The following TTC39C variants were observed in gnomAD, a reference collection of about 807,000 sequenced individuals.
The protein encoded by TTC39C is tetratricopeptide repeat protein 39C.
TTC39C carries 33 observed loss-of-function variants against 76.3 expected under a neutral mutation model. That is an observed-to-expected ratio of 0.43 (90% CI 0.33 to 0.58). TTC39C has a LOEUF of 0.58. Among genes scored for constraint, TTC39C ranks in the 20% least tolerant of loss-of-function variants. The probability of loss-of-function intolerance (pLI) is 0.04; values close to 1 mark genes in which losing one functional copy is unlikely to be tolerated. For synonymous variants in TTC39C, 254 were observed against 260.6 expected, an observed-to-expected ratio of 0.97 and a Z score of 0.24; for missense variants, 595 against 701.4, an observed-to-expected ratio of 0.85 and a Z score of 1.71.
chr18:24,091,129 T>C lies in TTC39C; in HGVS notation c.984+8048T>C, dbSNP rs190230135. Among the ~76,000 whole-genome samples the C allele has an allele frequency of 2.0e-3, 303 of 152,348 alleles. 1 individual carries two copies. Among genetic ancestry groups the C allele is most frequent in the African/African-American group, 7.0e-3 (291 of 41,584 alleles). ...GCCTTATGATCAATTTGCTTTGACA[T>C]GGACATCAAGACACGTCAGTGGGCA... On this transcript the variant is annotated intron_variant, in intron 6 of 13. Coordinates refer to ENST00000317571, the MANE Select transcript of TTC39C (RefSeq NM_001135993.2).
chr18:24,118,211 T>TA lies in TTC39C; in HGVS notation c.1166dup (p.Tyr389Ter). The TA allele has an allele frequency of 6.2e-7, 1 of 1,613,876 alleles. No homozygotes were observed. Among genetic ancestry groups the TA allele is most frequent in the East Asian group, 2.2e-5 (1 of 44,870 alleles). The change falls in exon 8 of 14, where the codon TAT (tyrosine) becomes TAAT (stop). Residue 389 changes from tyrosine to a stop codon, truncating the protein, a stop_gained and frameshift_variant. Transcript: ENST00000317571. LOFTEE classifies it high-confidence loss of function. The part of the protein sequence containing the change: ...LKNESRWSQC[Y>*]YAYLTAVCQG... ...AAATGAGTCCAGGTGGTCCCAGTGC[T>TA]ATTATGCCTACTTGACTGCAGGTGA...
intron 10 of TTC39C, among the ~76,000 whole-genome samples, chr18:24,127,753 T>A (rs958552199): frequency 6.6e-6 from 1 of 152,158 alleles, no homozygotes; most frequent in Non-Finnish European, 1.5e-5. Context: ...TGGGCTCAAG[T>A]GATCCTCCCG....
At chr18:24,037,679 C>T (rs1043285380) in intron 1 of TTC39C, among the ~76,000 whole-genome samples, 16 of 152,172 alleles carry the variant, frequency 1.1e-4, no homozygotes, top group Admixed American at 6.5e-4. Context: ...GTTACTACAA[C>T]ACTTTGGTAT....
chr18:24,046,025 G>A (rs1159227857), intron 1 of TTC39C, among the ~76,000 whole-genome samples: 33 of 134,152 alleles, frequency 2.5e-4, no homozygotes, highest in African/African-American at 3.1e-4. Flanking sequence ...TGCAAGCTCC[G>A]CCTCCTGGGT....
intron 1 of TTC39C, chr18:23,993,137 T>C (rs992246216): frequency 3.9e-5 from 6 of 152,246 alleles, no homozygotes; most frequent in Admixed American, 6.5e-5. Context: ...TAAGTTCATC[T>C]TTGATGGTAA....
chr18:24,080,908 G>GA lies in TTC39C; in HGVS notation c.787dup (p.Ser263LysfsTer2). 6.2e-7 allele frequency: 1 copy of GA among 1,613,848 alleles called. No homozygotes were observed. Among genetic ancestry groups the GA allele is most frequent in the Non-Finnish European group, 8.5e-7 (1 of 1,179,902 alleles). The stretch of plus-strand genomic sequence containing the variant: ...GCTTTCTTCACTGATGTATGCAAGC[G>GA]AAAGTAAGGACATGAAGGCCCCTTT... On this transcript the variant is annotated frameshift_variant, in exon 5 of 14. Transcript: ENST00000317571. LOFTEE classifies it high-confidence loss of function.
chr18:24,120,428 G>A lies in TTC39C; in HGVS notation c.1186+2196G>A, dbSNP rs569684738. On this transcript the variant is annotated intron_variant, in intron 8 of 13. Transcript: ENST00000317571. ...GAGCTGCCATTTGGGCTGGCCGTGA[G>A]CTAGAGGGCATGGGCATTCAGGGAC... Among the ~76,000 whole-genome samples the A allele has an allele frequency of 2.0e-5, 3 of 152,342 alleles. No homozygotes were observed. In the East Asian group the frequency reaches 5.8e-4, roughly 29 times the overall value.
rs59092787 is a variant in TTC39C, at chr18:24,103,931, G to GTT, written c.985-10610_985-10609dup. Among the ~76,000 whole-genome samples, 73 of 138,340 alleles carry GTT rather than the reference G, an allele frequency of 5.3e-4. 4 individuals carry two copies. The South Asian group carries it at 9.6e-3, about 18-fold the overall frequency. 90.8% of individuals were successfully genotyped at this position (138,340 alleles called of 152,430 possible). A position where few individuals can be genotyped will look rare whatever the true frequency, so the allele number is the denominator to read the frequency against. ...GTGCGAAATCCCACATTCTCTCTCTGTTTTTTTTTTTTTTGTTTGAGACGG... is the reference window on the plus strand; with the variant it reads ...GTGCGAAATCCCACATTCTCTCTCTGTTTTTTTTTTTTTTTTGTTTGAGACGG... On this transcript the variant is annotated intron_variant, in intron 6 of 13. Coordinates refer to ENST00000317571, the MANE Select transcript of TTC39C (RefSeq NM_001135993.2).
At chr18:24,061,984 C>T (rs1329756960) in intron 1 of TTC39C, among the ~76,000 whole-genome samples, 1 of 152,206 alleles carries the variant, frequency 6.6e-6, no homozygotes, top group East Asian at 1.9e-4. Flanking sequence ...CCTGAGAGGA[C>T]GATCGCCCGT....
chr18:24,021,069 G>C (rs1158400613), intron 1 of TTC39C, among the ~76,000 whole-genome samples: 1 of 152,042 alleles, frequency 6.6e-6, no homozygotes. Flanking sequence ...CCTTTCCCAG[G>C]GTAATCCTCC....
intron 6 of TTC39C, among the ~76,000 whole-genome samples, chr18:24,103,058 C>T (rs1445220839): frequency 1.3e-5 from 2 of 152,226 alleles, no homozygotes; most frequent in East Asian, 3.9e-4. Flanking sequence ...GCCGTGATCA[C>T]GCCACTGCAT....
rs142624411 is a variant in TTC39C at position 24,066,756 on chromosome 18, A to G, written c.345+616A>G. 7.6e-4 allele frequency among the ~76,000 whole-genome samples: 115 copies of G among 152,292 alleles called. 4 individuals are homozygous for G. In the East Asian group the frequency reaches 0.021, roughly 27 times the overall value. ...CTGCATGCCCGTGCCCTGCCTATGA[A>G]GCATCACAGGAGAGTGTTTCACCTC... On this transcript the variant is annotated intron_variant, in intron 3 of 13. Coordinates refer to ENST00000317571, the MANE Select transcript of TTC39C (RefSeq NM_001135993.2).
At chr18:24,053,249 T>C (rs1354198055) in intron 1 of TTC39C, among the ~76,000 whole-genome samples, 1 of 152,218 alleles carries the variant, frequency 6.6e-6, no homozygotes, top group African/African-American at 2.4e-5. Flanking sequence ...TTGCTTTTCT[T>C]AGACCTTTGA....
At chr18:24,029,101 T>C (rs1381510402) in intron 1 of TTC39C, among the ~76,000 whole-genome samples, 2 of 43,744 alleles carry the variant, frequency 4.6e-5, no homozygotes, top group African/African-American at 1.3e-4. Flanking sequence ...GTGTTGTTGT[T>C]GTTGTTGTTG....
chr18:24,114,689 T>C, intron 7 of TTC39C, 42 bp downstream of exon 7: 1 of 1,471,928 alleles, frequency 6.8e-7, no homozygotes, highest in Non-Finnish European at 9.5e-7. Context: ...TAAGAAGTAG[T>C]ATTAATGCAG....
chr18:24,060,618 A>G (rs1275281877), intron 1 of TTC39C, among the ~76,000 whole-genome samples: 2 of 152,158 alleles, frequency 1.3e-5, no homozygotes, highest in African/African-American at 4.8e-5. Context: ...GTATTCTTTT[A>G]AAGATAAAAA....
At chr18:24,040,798 A>T (rs1170050469) in intron 1 of TTC39C, among the ~76,000 whole-genome samples, 1 of 152,166 alleles carries the variant, frequency 6.6e-6, no homozygotes, top group Non-Finnish European at 1.5e-5. Flanking sequence ...GTGAGTTTCC[A>T]CTGTGTGTTA....
chr18:24,073,547 A>G (rs1291477497), intron 4 of TTC39C, among the ~76,000 whole-genome samples: 4 of 150,960 alleles, frequency 2.6e-5, no homozygotes, highest in Non-Finnish European at 4.4e-5. Context: ...TTTTTTTAAG[A>G]GGCAAGGTCT....
At chr18:24,045,892 A>AAAAAAAAAAAAAAAAAT (rs1435790388) in intron 1 of TTC39C, among the ~76,000 whole-genome samples, 1 of 61,230 alleles carries the variant, frequency 1.6e-5, no homozygotes, top group African/African-American at 8.9e-5. Context: ...CTTCTGTGAA[A>AAAAAAAAAAAAAAAAAT]ATATATATAT....
Sources: allele counts gnomAD v4.1 joint callset (sites outside exome capture counted in the v4.1 genomes callset), GRCh38; gene constraint gnomAD v4.1.1; transcripts MANE v1.5; gene names NCBI Gene and HGNC (gene_info 2026-07-23, HGNC 2026-07-21).